CNNM2: variants seen among roughly 807,000 people sequenced by gnomAD.
The protein encoded by CNNM2 is metal transporter CNNM2.
In CNNM2, 12 loss-of-function variants were observed where a neutral mutation model predicts 66.9. The observed-to-expected ratio is 0.18, with a 90% CI of 0.11 to 0.29. The LOEUF (loss-of-function observed/expected upper bound fraction) is 0.29. Ranked by LOEUF, CNNM2 falls within the 10% of genes least tolerant of loss-of-function variation. The pLI is 1.00. For missense variants in CNNM2, 705 were observed against 1,167.7 expected, an observed-to-expected ratio of 0.60 and a Z score of 5.77; for synonymous variants, 557 against 501.8, an observed-to-expected ratio of 1.11 and a Z score of -1.47.
At chr10:102,995,798 C>G (rs2063987986) in intron 1 of CNNM2, among the ~76,000 whole-genome samples, 1 of 151,790 alleles carries the variant, frequency 6.6e-6, no homozygotes, top group African/African-American at 2.4e-5. Flanking sequence ...GTGATCTCGG[C>G]TCACCACAAC....
chr10:102,940,671 G>A (rs1302493231), intron 1 of CNNM2, among the ~76,000 whole-genome samples: 1 of 150,180 alleles, frequency 6.7e-6, no homozygotes, highest in African/African-American at 2.5e-5. Context: ...GCCCTCCTTG[G>A]CCTCCTAAAG....
At chr10:102,976,451 T>TTTTTTTTTTTTTG (rs869098645) in intron 1 of CNNM2, among the ~76,000 whole-genome samples, 3 of 92,052 alleles carry the variant, frequency 3.3e-5, no homozygotes, top group Non-Finnish European at 4.4e-5. Context: ...TTTTTTTTTT[T>TTTTTTTTTTTTTG]GAGATGGAAT....
chr10:103,012,113 G>A (rs2064354923), intron 1 of CNNM2, among the ~76,000 whole-genome samples: 3 of 152,154 alleles, frequency 2.0e-5, no homozygotes, highest in Non-Finnish European at 4.4e-5. Flanking sequence ...AGAAATACAG[G>A]ATATTAACAG....
At chr10:103,007,588 A>G (rs2064252293) in intron 1 of CNNM2, among the ~76,000 whole-genome samples, 1 of 152,114 alleles carries the variant, frequency 6.6e-6, no homozygotes, top group Non-Finnish European at 1.5e-5. Context: ...ATAATTCGCG[A>G]TATCTTCCCT....
At position 103,089,628 on chromosome 10, in the gene CNNM2, G is replaced by T. The variant is rs191195125; in HGVS notation, c.*12448G>T. Reference sequence around the variant, plus strand: ...GACCTCGTTTGTTCCTGTGAGTCCTGCCAGGACTTGTTTAATGGGTGCTTG... The same window carrying T: ...GACCTCGTTTGTTCCTGTGAGTCCTTCCAGGACTTGTTTAATGGGTGCTTG... On this transcript the variant is annotated 3_prime_UTR_variant, in exon 8 of 8. Transcript: ENST00000369878. 7.8e-6 allele frequency: 12 copies of T among 1,536,564 alleles called. No homozygotes were observed. The East Asian group carries it at 2.7e-4, about 35-fold the overall frequency.
At chr10:103,048,685 A>G (rs1216175305) in intron 1 of CNNM2, among the ~76,000 whole-genome samples, 2 of 152,134 alleles carry the variant, frequency 1.3e-5, no homozygotes, top group East Asian at 1.9e-4. Flanking sequence ...ACATTCAACA[A>G]TGAAAGTGGC....
chr10:103,018,686 C>CTTTTTTTTTT (rs370000130), intron 1 of CNNM2, among the ~76,000 whole-genome samples: 29 of 116,268 alleles, frequency 2.5e-4, no homozygotes, highest in East Asian at 1.2e-3. Flanking sequence ...CTCTTCTTTC[C>CTTTTTTTTTT]TTTTTTTTTT....
At chr10:103,041,845 C>CTCCTGACCCAGGAAACTCGGGGG (rs1331992557) in intron 1 of CNNM2, among the ~76,000 whole-genome samples, 2 of 152,206 alleles carry the variant, frequency 1.3e-5, no homozygotes, top group East Asian at 3.9e-4. Flanking sequence ...CTATCTCAGC[C>CTCCTGACCCAGGAAACTCGGGGG]TCCTGACCCA....
Position 103,087,734 on chromosome 10 carries a change from T to C in CNNM2, c.*10554T>C, listed in dbSNP as rs1293438955. 6.6e-6 allele frequency: 1 copy of C among 152,232 alleles called. No individual in the cohort carries two copies. The highest frequency in any genetic ancestry group is 1.5e-5 in the Non-Finnish European group (1 of 68,038). The allele number at this position is 152,232 out of a possible 1,614,324, so 9.4% of individuals were successfully genotyped here. On this transcript the variant is annotated 3_prime_UTR_variant, in exon 8 of 8. Coordinates refer to ENST00000369878, the MANE Select transcript of CNNM2 (RefSeq NM_017649.5). ...TAACTAGGATGACCACACATTCTCC[T>C]AACACGGGCAACAGTCTAGTCTAAT... is the stretch of plus-strand genomic sequence containing the variant.
chr10:103,038,718 C>T (rs963009605), intron 1 of CNNM2, among the ~76,000 whole-genome samples: 1 of 152,158 alleles, frequency 6.6e-6, no homozygotes, highest in Non-Finnish European at 1.5e-5. Flanking sequence ...ACTGAAGGAA[C>T]TGTCCTGCTA....
At chr10:102,980,725 A>G (rs1413563847) in intron 1 of CNNM2, among the ~76,000 whole-genome samples, 2 of 152,334 alleles carry the variant, frequency 1.3e-5, no homozygotes, top group Non-Finnish European at 2.9e-5. Context: ...TCACTTCCTT[A>G]GAGAAATGTT....
chr10:103,049,882 A>G (rs776589067), intron 2 of CNNM2, 32 bp downstream of exon 2: 18 of 1,604,230 alleles, frequency 1.1e-5, no homozygotes, highest in Non-Finnish European at 1.4e-5. Flanking sequence ...TATTTCCCGA[A>G]ACCTTTGCTT....
intron 1 of CNNM2, among the ~76,000 whole-genome samples, chr10:102,955,176 A>G (rs1846988482): frequency 6.6e-6 from 1 of 152,226 alleles, no homozygotes; most frequent in Non-Finnish European, 1.5e-5. Context: ...GTGCCAAAAC[A>G]GAGGTATAGA....
chr10:102,943,697 A>G (rs1846509246), intron 1 of CNNM2, among the ~76,000 whole-genome samples: 1 of 152,080 alleles, frequency 6.6e-6, no homozygotes, highest in African/African-American at 2.4e-5. Context: ...CCTTGTTTTT[A>G]TTTTCTGTCT....
At chr10:103,034,972 C>CAAAAAAAGAAAAAAAAAA (rs2064905209) in intron 1 of CNNM2, among the ~76,000 whole-genome samples, 1 of 71,138 alleles carries the variant, frequency 1.4e-5, no homozygotes, top group African/African-American at 6.1e-5. Flanking sequence ...GACTCCGTCT[C>CAAAAAAAGAAAAAAAAAA]AAAAAAAAAA....
Position 102,934,573 on chromosome 10 carries a change from G to A in CNNM2, c.1621+14472G>A, listed in dbSNP as rs759012700. ...TGGGATTACAGGCATGAGCCACCGC[G>A]CCCAGCCTGAGCCACCGGCCAAATC... is the stretch of plus-strand genomic sequence containing the variant. On this transcript the variant is annotated intron_variant, in intron 1 of 7. Coordinates refer to ENST00000369878, the MANE Select transcript of CNNM2 (RefSeq NM_017649.5). Among the ~76,000 whole-genome samples the A allele has an allele frequency of 5.0e-4, 76 of 152,202 alleles. 1 individual carries two copies. Among genetic ancestry groups the A allele is most frequent in the Admixed American group, 9.2e-4 (14 of 15,292 alleles).
At chr10:102,977,678 G>A (rs372394676) in intron 1 of CNNM2, among the ~76,000 whole-genome samples, 3 of 152,180 alleles carry the variant, frequency 2.0e-5, no homozygotes, top group Admixed American at 6.5e-5. Context: ...AAAATTAGCC[G>A]AGTGTGGTGG....
In CNNM2 at chr10:103,089,750, G is replaced by A. The variant is rs1209399534; in HGVS notation, c.*12570G>A. On this transcript the variant is annotated 3_prime_UTR_variant, in exon 8 of 8. Transcript: ENST00000369878. ...TAATTTCCTGGGGGGCCAGTGGGAA[G>A]AGGTTGGGAGGTTTAATCTCACTAA... is the stretch of plus-strand genomic sequence containing the variant. 1.2e-6 allele frequency: 2 copies of A among 1,613,836 alleles called. No individual in the cohort carries two copies. The highest frequency in any genetic ancestry group is 8.5e-7 in the Non-Finnish European group (1 of 1,179,978).
At chr10:102,954,673 A>G (rs1352582147) in intron 1 of CNNM2, among the ~76,000 whole-genome samples, 5 of 152,126 alleles carry the variant, frequency 3.3e-5, no homozygotes, top group Admixed American at 6.6e-5. Flanking sequence ...GGAATTTACA[A>G]TCCAGGAATT....
Sources: gnomAD v4.1 joint callset for allele counts (sites outside exome capture counted in the v4.1 genomes callset) on GRCh38, gnomAD v4.1.1 for gene constraint, MANE v1.5 for transcripts, NCBI Gene and HGNC (gene_info 2026-07-23, HGNC 2026-07-21) for gene names.